The following PCDHGA4 variants were observed in gnomAD, a reference collection of about 807,000 sequenced individuals.
The protein encoded by PCDHGA4 is protocadherin gamma-A4.
Under a neutral mutation model 54.6 loss-of-function variants are expected in PCDHGA4, and 38 were observed. The ratio of observed to expected loss-of-function variants is 0.70; its 90% CI spans 0.54 to 0.91. The LOEUF (loss-of-function observed/expected upper bound fraction) is 0.91. Ranked by LOEUF, PCDHGA4 falls within the 40% of genes least tolerant of loss-of-function variation. The pLI is 0.00. For synonymous variants in PCDHGA4, 511 were observed against 512.9 expected (o/e 1.00, Z 0.05); for missense variants, 1,298 against 1,220.9 (o/e 1.06, Z -0.94).
intron 1 of PCDHGA4, among the ~76,000 whole-genome samples, chr5:141,456,052 C>T (rs2098841739): frequency 1.3e-5 from 2 of 151,970 alleles, no homozygotes; most frequent in South Asian, 4.1e-4. Flanking sequence ...CGCCCACCAC[C>T]ACGTCCGGCT....
At chr5:141,414,763 C>G in intron 1 of PCDHGA4, 1 of 1,614,258 alleles carries the variant, frequency 6.2e-7, no homozygotes, top group South Asian at 1.1e-5. Flanking sequence ...TGAGCAGTTT[C>G]ATGAGCTACA....
chr5:141,495,430 C>T (rs1189953474), intron 2 of PCDHGA4, among the ~76,000 whole-genome samples: 3 of 152,220 alleles, frequency 2.0e-5, no homozygotes, highest in Admixed American at 2.0e-4. Context: ...TCCCACTGTC[C>T]TCTGCCCCTA....
chr5:141,505,418 A>T lies in PCDHGA4; in HGVS notation c.2599A>T (p.Thr867Ser). 1 of 1,614,186 alleles carries T rather than the reference A, an allele frequency of 6.2e-7. No homozygotes were observed. Among genetic ancestry groups the T allele is most frequent in the East Asian group, 2.2e-5 (1 of 44,876 alleles). The change falls in exon 3 of 4, where the codon ACC becomes TCC. Residue 867 changes from threonine to serine, a missense_variant. By Grantham distance (58) the Thr-to-Ser change is moderately conservative. Coordinates refer to ENST00000571252, the MANE Select transcript of PCDHGA4 (RefSeq NM_018917.4). ...SGSQNGDDTG[T>S]WPNNQFDTEM... ...CTCCCAAAATGGCGATGACACCGGC[A>T]CCTGGCCCAACAACCAGTTTGACAC...
chr5:141,400,221 C>T (rs377228541), intron 1 of PCDHGA4: 36 of 1,614,060 alleles, frequency 2.2e-5, no homozygotes, highest in Admixed American at 6.7e-5. Flanking sequence ...TCTCAGTGCT[C>T]TTCCTCCTGG....
In PCDHGA4 at chr5:141,511,532, T is replaced by G. The variant is rs548369303; in HGVS notation, c.*359T>G. Reference sequence around the variant, plus strand: ...GCCCATCCATCCCATGCCTCCCTCCTCCCCACCCCACTCCAACAGTTCCTC... The same window carrying G: ...GCCCATCCATCCCATGCCTCCCTCCGCCCCACCCCACTCCAACAGTTCCTC... On this transcript the variant is annotated 3_prime_UTR_variant, in exon 4 of 4. Transcript: ENST00000571252. 3.6e-5 allele frequency: 12 copies of G among 335,506 alleles called. No homozygotes were observed. In the East Asian group the frequency reaches 8.0e-4, roughly 22 times the overall value. The allele number at this position is 335,506 out of a possible 1,614,324, so 20.8% of individuals were successfully genotyped here. A position where few individuals can be genotyped will look rare whatever the true frequency, so the allele number is the denominator to read the frequency against.
Position 141,491,300 on chromosome 5 carries a change from G to A in PCDHGA4, c.2515-3507G>A, listed in dbSNP as rs2099710472. On this transcript the variant is annotated intron_variant, in intron 1 of 3. Coordinates refer to ENST00000571252, the MANE Select transcript of PCDHGA4 (RefSeq NM_018917.4). This position sits in a 1 kb window ranked among gnomAD's most constrained non-coding sequence, Gnocchi z 6.9. ...GACTTCCTCATACACCCTCCTGAGC[G>A]TTCAGACCTTACCCTTTACCTCATT... 1 of 1,614,136 alleles carries A rather than the reference G, an allele frequency of 6.2e-7. No homozygotes were observed. The highest frequency in any genetic ancestry group is 1.1e-5 in the South Asian group (1 of 91,086).
At chr5:141,372,551 C>T (rs758593544) in intron 1 of PCDHGA4, 2 of 1,614,030 alleles carry the variant, frequency 1.2e-6, no homozygotes, top group South Asian at 1.1e-5. Flanking sequence ...GATGCTCCTC[C>T]AGACCCGCCA....
chr5:141,402,319 C>G lies in PCDHGA4; in HGVS notation c.2514+44698C>G, dbSNP rs181180510. On this transcript the variant is annotated intron_variant, in intron 1 of 3. Transcript: ENST00000571252. ...TGTATTAATACAATTATATATTTTA[C>G]ATTTACAAATATATAGGTATAAAAA... Among the ~76,000 whole-genome samples, 14 of 151,934 alleles carry G rather than the reference C, an allele frequency of 9.2e-5. No individual in the cohort carries two copies. In the East Asian group the frequency reaches 2.7e-3, roughly 29 times the overall value.
chr5:141,393,900 G>C (rs1048161107), intron 1 of PCDHGA4: 1 of 1,613,906 alleles, frequency 6.2e-7, no homozygotes, highest in Non-Finnish European at 8.5e-7. Context: ...TTCTCTTCCC[G>C]GGACAGTAAT....
chr5:141,375,744 A>G lies in PCDHGA4; in HGVS notation c.2514+18123A>G, dbSNP rs573966652. The G allele has an allele frequency of 9.3e-6, 15 of 1,614,188 alleles. No individual in the cohort carries two copies. The South Asian group carries it at 1.6e-4, about 18-fold the overall frequency. ...GTGTCACTGAGCCTGTTTGTGCTGGACCAGAATGACAATGCGCCCGAGATC... is the reference window on the plus strand; with the variant it reads ...GTGTCACTGAGCCTGTTTGTGCTGGGCCAGAATGACAATGCGCCCGAGATC... On this transcript the variant is annotated intron_variant, in intron 1 of 3. Transcript: ENST00000571252.
intron 1 of PCDHGA4, chr5:141,371,956 A>G (rs1410520873): frequency 6.2e-7 from 1 of 1,613,272 alleles, no homozygotes; most frequent in South Asian, 1.1e-5. Context: ...CGAGCCTTCG[A>G]CCACGAGCAG....
chr5:141,408,446 G>C (rs371079756), intron 1 of PCDHGA4: 180 of 1,613,946 alleles, frequency 1.1e-4, no homozygotes, highest in Non-Finnish European at 1.5e-4. Context: ...CGCGGAGAGC[G>C]GGGACTTACT....
At chr5:141,404,759 T>G (rs1466446291) in intron 1 of PCDHGA4, 1 of 1,613,632 alleles carries the variant, frequency 6.2e-7, no homozygotes, top group Admixed American at 1.7e-5. Flanking sequence ...CCAGAATGCT[T>G]GGCTCTCCTA....
At chr5:141,425,521 C>A (rs2096880944) in intron 1 of PCDHGA4, among the ~76,000 whole-genome samples, 1 of 152,210 alleles carries the variant, frequency 6.6e-6, no homozygotes, top group Non-Finnish European at 1.5e-5. Flanking sequence ...TATGATGAAA[C>A]ATGAAACAAT....
At chr5:141,427,963 T>C (rs1289642441) in intron 1 of PCDHGA4, 1 of 1,589,380 alleles carries the variant, frequency 6.3e-7, no homozygotes, top group East Asian at 2.2e-5. Flanking sequence ...GTGCCGCGGG[T>C]GCTGTACCCC....
intron 1 of PCDHGA4, chr5:141,405,079 C>G (rs1383258618): frequency 6.2e-7 from 1 of 1,613,898 alleles, no homozygotes; most frequent in South Asian, 1.1e-5. Context: ...CCTTCGTTAT[C>G]ACGCTGCTGG....
intron 1 of PCDHGA4, chr5:141,404,321 T>C (rs764642673): frequency 1.2e-6 from 2 of 1,613,882 alleles, no homozygotes; most frequent in East Asian, 2.2e-5. Flanking sequence ...TCAAGCCTCC[T>C]ACTCAGTCTA....
intron 1 of PCDHGA4, chr5:141,403,227 G>C (rs2094378929): frequency 1.2e-6 from 2 of 1,608,848 alleles, no homozygotes; most frequent in African/African-American, 1.3e-5. Context: ...AGGATAGACC[G>C]GGAGGAGCTC....
chr5:141,488,518 G>A lies in PCDHGA4; in HGVS notation c.2515-6289G>A, dbSNP rs2233597. On this transcript the variant is annotated intron_variant, in intron 1 of 3. Coordinates refer to ENST00000571252, the MANE Select transcript of PCDHGA4 (RefSeq NM_018917.4). Reference sequence around the variant, plus strand: ...CACTCATTCCACATTTGGGGTCTGGGGTGTCAGAAAAGCTAAGTCCCATGT... The same window carrying A: ...CACTCATTCCACATTTGGGGTCTGGAGTGTCAGAAAAGCTAAGTCCCATGT... Among the ~76,000 whole-genome samples the A allele has an allele frequency of 5.8e-3, 879 of 152,218 alleles. 4 individuals are homozygous for A. The highest frequency in any genetic ancestry group is 0.021 in the African/African-American group (853 of 41,520).
Sources: allele counts gnomAD v4.1 joint callset (sites outside exome capture counted in the v4.1 genomes callset), GRCh38; gene constraint gnomAD v4.1.1; non-coding constraint Gnocchi (gnomAD v3.1); transcripts MANE v1.5; gene names NCBI Gene and HGNC (gene_info 2026-07-23, HGNC 2026-07-21).